The following ATG10 variants were observed in gnomAD, a reference collection of about 807,000 sequenced individuals.
ATG10 encodes autophagy related 10.
Under a neutral mutation model 32.1 loss-of-function variants are expected in ATG10, and 30 were observed. The observed-to-expected ratio is 0.94, with a 90% CI of 0.70 to 1.27. The LOEUF is 1.27. ATG10 is among the 50% of genes most tolerant of loss of function. The pLI is 0.00. For synonymous variants in ATG10, 87 were observed against 91.5 expected, an observed-to-expected ratio of 0.95 and a Z score of 0.28; for missense variants, 233 against 262.3, an observed-to-expected ratio of 0.89 and a Z score of 0.77.
At chr5:82,111,218 A>T (rs941984900) in intron 3 of ATG10, among the ~76,000 whole-genome samples, 2 of 151,938 alleles carry the variant, frequency 1.3e-5, no homozygotes, top group African/African-American at 4.8e-5. Flanking sequence ...TTCTAATTCT[A>T]TATTTAACTG....
chr5:82,108,467 T>C (rs1765507787), intron 3 of ATG10, among the ~76,000 whole-genome samples: 1 of 151,938 alleles, frequency 6.6e-6, no homozygotes, highest in Admixed American at 6.6e-5. Flanking sequence ...TATGTGTATA[T>C]ATGTATGTAT....
intron 1 of ATG10, among the ~76,000 whole-genome samples, chr5:81,978,952 T>A (rs1028490376): frequency 1.3e-5 from 2 of 151,860 alleles, no homozygotes; most frequent in Non-Finnish European, 2.9e-5. Flanking sequence ...CAGGCTGGAG[T>A]GCAGTGGCAC....
chr5:82,046,334 A>G (rs1763235630), intron 2 of ATG10, among the ~76,000 whole-genome samples: 1 of 152,222 alleles, frequency 6.6e-6, no homozygotes, highest in African/African-American at 2.4e-5. Context: ...TAAATCCAAT[A>G]CGACTGGTAT....
chr5:82,133,704 G>A (rs1293961592), intron 3 of ATG10, among the ~76,000 whole-genome samples: 3 of 152,074 alleles, frequency 2.0e-5, no homozygotes, highest in Non-Finnish European at 2.9e-5. Flanking sequence ...TTGGCTATGA[G>A]GGCTCTTTTT....
chr5:82,129,280 G>T (rs914100675), intron 3 of ATG10, among the ~76,000 whole-genome samples: 1 of 151,780 alleles, frequency 6.6e-6, no homozygotes, highest in African/African-American at 2.4e-5. Flanking sequence ...TCCTTGCATT[G>T]GGTTAGAACA....
chr5:82,061,896 C>T (rs1763794731), intron 3 of ATG10, among the ~76,000 whole-genome samples: 1 of 129,224 alleles, frequency 7.7e-6, no homozygotes, highest in South Asian at 2.5e-4. Flanking sequence ...CACAGTCAGT[C>T]ATAGCTCACT....
chr5:82,253,337 G>A lies in ATG10; in HGVS notation c.575G>A (p.Trp192Ter), dbSNP rs1747336555. ...INKNVNYITS[W>*]LSIVGPVVGL... Reference sequence around the variant, plus strand: ...AGGAATGTCAACTATATCACATCATGGCTGAGCATTGTAGGGCCAGTTGTT... The same window carrying A: ...AGGAATGTCAACTATATCACATCATAGCTGAGCATTGTAGGGCCAGTTGTT... Residue 192 changes from tryptophan to a stop codon, truncating the protein, a stop_gained, in exon 7 of 8, where the codon TGG (tryptophan) becomes TAG (stop). Coordinates refer to ENST00000282185, the MANE Select transcript of ATG10 (RefSeq NM_031482.5). LOFTEE classifies it high-confidence loss of function. 6.2e-7 allele frequency: 1 copy of A among 1,612,672 alleles called. No homozygotes were observed. Among genetic ancestry groups the A allele is most frequent in the South Asian group, 1.1e-5 (1 of 91,044 alleles).
intron 3 of ATG10, among the ~76,000 whole-genome samples, chr5:82,122,025 C>T (rs1000848645): frequency 6.7e-6 from 1 of 148,756 alleles, no homozygotes; most frequent in Non-Finnish European, 1.5e-5. Context: ...GGAGAGGAGT[C>T]CCACCTCAAT....
intron 3 of ATG10, among the ~76,000 whole-genome samples, chr5:82,099,263 A>G (rs1033935852): frequency 3.3e-5 from 5 of 152,206 alleles, no homozygotes; most frequent in African/African-American, 1.2e-4. Context: ...TAAAAAGTAC[A>G]TCGATTGGAT....
intron 5 of ATG10, among the ~76,000 whole-genome samples, chr5:82,241,558 T>C (rs776139821): frequency 3.9e-5 from 6 of 152,154 alleles, no homozygotes; most frequent in Non-Finnish European, 8.8e-5. Context: ...CCAACCACAC[T>C]GGTCTTGTCA....
At chr5:82,040,603 A>T (rs1469612231) in intron 2 of ATG10, among the ~76,000 whole-genome samples, 1 of 152,270 alleles carries the variant, frequency 6.6e-6, no homozygotes, top group African/African-American at 2.4e-5. Context: ...TTGTATTTAT[A>T]GTATGACTTA....
chr5:81,984,837 A>G (rs1030216123), intron 1 of ATG10, among the ~76,000 whole-genome samples: 1 of 152,240 alleles, frequency 6.6e-6, no homozygotes, highest in African/African-American at 2.4e-5. Context: ...GATCAAAAAA[A>G]CAATAATTAT....
At chr5:82,210,829 T>A (rs976638222) in intron 5 of ATG10, among the ~76,000 whole-genome samples, 2 of 152,108 alleles carry the variant, frequency 1.3e-5, no homozygotes, top group African/African-American at 4.8e-5. Context: ...GGCTGTCAGG[T>A]TTTACTCAGG....
chr5:81,993,353 TTCTTTCC>T (rs1191975573), intron 2 of ATG10, among the ~76,000 whole-genome samples: 21 of 21,444 alleles, frequency 9.8e-4, no homozygotes, highest in Non-Finnish European at 1.3e-3. Context: ...CTTTCTTTCT[TTCTTTCC>T]TTCTTTTCTT....
At chr5:82,222,747 G>A (rs1745979429) in intron 5 of ATG10, among the ~76,000 whole-genome samples, 1 of 152,222 alleles carries the variant, frequency 6.6e-6, no homozygotes, top group Non-Finnish European at 1.5e-5. Flanking sequence ...GGTCTGGGAA[G>A]GCAGAAGACA....
intron 3 of ATG10, among the ~76,000 whole-genome samples, chr5:82,087,929 A>G (rs1432746571): frequency 1.3e-5 from 2 of 152,182 alleles, no homozygotes; most frequent in African/African-American, 4.8e-5. Flanking sequence ...TTCCAAACTT[A>G]TCAAGTTGTA....
chr5:82,108,382 G>A (rs573181945), intron 3 of ATG10, among the ~76,000 whole-genome samples: 2 of 151,578 alleles, frequency 1.3e-5, no homozygotes, highest in African/African-American at 2.4e-5. Flanking sequence ...CTATATATAT[G>A]TGCATATATA....
At chr5:82,244,881 C>A (rs570196866) in intron 5 of ATG10, among the ~76,000 whole-genome samples, 1 of 152,156 alleles carries the variant, frequency 6.6e-6, no homozygotes, top group Non-Finnish European at 1.5e-5. Context: ...TCTGGAGTTA[C>A]AGAGATAGAA....
At chr5:81,975,582 T>C (rs1359534085) in intron 1 of ATG10, among the ~76,000 whole-genome samples, 1 of 152,044 alleles carries the variant, frequency 6.6e-6, no homozygotes, top group African/African-American at 2.4e-5. Flanking sequence ...CTCAAGAGGC[T>C]GAGGCGGGAG....
Sources: allele counts gnomAD v4.1 joint callset (sites outside exome capture counted in the v4.1 genomes callset), GRCh38; gene constraint gnomAD v4.1.1; transcripts MANE v1.5; gene names NCBI Gene and HGNC (gene_info 2026-07-23, HGNC 2026-07-21).